Variants in CALD1 observed in about 807,000 individuals in gnomAD.
The protein encoded by CALD1 is caldesmon 1.
In CALD1, 33 loss-of-function variants were observed where a neutral mutation model predicts 99.9. The ratio of observed to expected loss-of-function variants is 0.33; its 90% CI spans 0.25 to 0.44. The LOEUF (loss-of-function observed/expected upper bound fraction) is 0.44, where lower values mean the gene tolerates loss of function less well. CALD1 is among the 20% of genes least tolerant of loss of function. The probability of loss-of-function intolerance (pLI) is 1.00; values close to 1 mark genes in which losing one functional copy is unlikely to be tolerated. For synonymous variants in CALD1, 310 were observed against 325.0 expected (o/e 0.95, Z 0.50); for missense variants, 861 against 962.1 (o/e 0.89, Z 1.39).
chr7:134,833,220 T>G (rs754731361), intron 1 of CALD1, among the ~76,000 whole-genome samples: 62 of 152,196 alleles, frequency 4.1e-4, no homozygotes, highest in Non-Finnish European at 7.6e-4. Context: ...CTTCTGGTTT[T>G]GGGGGGATTT....
intron 1 of CALD1, among the ~76,000 whole-genome samples, chr7:134,808,597 G>C (rs1169723022): frequency 6.6e-6 from 1 of 152,198 alleles, no homozygotes; most frequent in Non-Finnish European, 1.5e-5. Flanking sequence ...TGCTGGGTTT[G>C]TCAGATTTCT....
At chr7:134,958,420 T>C (rs1807946098) in intron 11 of CALD1, 130 bp downstream of exon 11, 2 of 738,832 alleles carry the variant, frequency 2.7e-6, no homozygotes, top group Non-Finnish European at 4.4e-6. Context: ...TTTTTTTTTT[T>C]TTTTTTTTGA....
chr7:134,769,633 T>C (rs1431153281), intron 1 of CALD1, among the ~76,000 whole-genome samples: 3 of 152,116 alleles, frequency 2.0e-5, no homozygotes, highest in Non-Finnish European at 4.4e-5. Context: ...TCCTTGATAG[T>C]CTAGATTTTT....
intron 3 of CALD1, among the ~76,000 whole-genome samples, chr7:134,915,913 G>A (rs1050711866): frequency 6.6e-6 from 1 of 152,150 alleles, no homozygotes; most frequent in Non-Finnish European, 1.5e-5. Flanking sequence ...ACTGATTTAG[G>A]AAGATGATCT....
intron 1 of CALD1, among the ~76,000 whole-genome samples, chr7:134,821,355 T>G (rs1222045716): frequency 6.6e-6 from 1 of 152,118 alleles, no homozygotes; most frequent in Non-Finnish European, 1.5e-5. Context: ...CATCAACTTC[T>G]ATCATTGAAG....
intron 1 of CALD1, among the ~76,000 whole-genome samples, chr7:134,833,316 C>T (rs1356835500): frequency 6.6e-6 from 1 of 152,084 alleles, no homozygotes; most frequent in African/African-American, 2.4e-5. Flanking sequence ...TATGAAATAT[C>T]TTATTAATGT....
At chr7:134,891,426 T>C in intron 3 of CALD1, 1 of 1,295,276 alleles carries the variant, frequency 7.7e-7, no homozygotes, top group South Asian at 2.9e-5. Flanking sequence ...TAGATTTGGC[T>C]GAGGACAAGC....
At chr7:134,738,993 G>A in the CALD1 span, among the ~76,000 whole-genome samples, 10 of 152,108 alleles carry the variant, frequency 6.6e-5, no homozygotes, top group Admixed American at 1.3e-4. Context: ...TTTAGGATTC[G>A]TTGTATCAAT....
In CALD1 at chr7:134,935,748, A is replaced by C; in HGVS notation, c.1369A>C (p.Thr457Pro). The part of the protein sequence containing the change: ...KREKLQEDKP[T>P]FKKEEIKDEK... ...AGAAAAGCTCCAAGAAGACAAGCCT[A>C]CCTTCAAAAAAGAAGAGGTAAATAT... Residue 457 changes from threonine to proline, a missense_variant, in exon 6 of 15, where the codon ACC becomes CCC. Transcript: ENST00000361675. The C allele has an allele frequency of 6.3e-7, 1 of 1,595,486 alleles. No individual in the cohort carries two copies. Among genetic ancestry groups the C allele is most frequent in the Non-Finnish European group, 8.5e-7 (1 of 1,172,762 alleles).
chr7:134,879,038 T>C (rs576348070), intron 3 of CALD1, among the ~76,000 whole-genome samples: 7 of 152,326 alleles, frequency 4.6e-5, no homozygotes, highest in Middle Eastern at 3.4e-3. Context: ...TTTTGCCCTA[T>C]GGTTTTCTCA....
Position 134,960,535 on chromosome 7 carries a change from A to G in CALD1, c.2202A>G (p.Glu734=). The change falls in exon 13 of 15, where the codon GAA becomes GAG. Residue 734 remains glutamate, a splice_region_variant and synonymous_variant. Transcript: ENST00000361675. ...TTTGGATGATTGCCCCTTTGTAGGA[A>G]ACTGCTGGCTTGAAGGTAGGGGTTT... ...SPTAAGTPNK[E]TAGLKVGVSS... is the part of the protein sequence containing the mutation. 6.2e-7 allele frequency: 1 copy of G among 1,605,444 alleles called. No individual in the cohort carries two copies. The highest frequency in any genetic ancestry group is 8.5e-7 in the Non-Finnish European group (1 of 1,172,352).
intron 8 of CALD1, 100 bp from the exon 9 acceptor site, chr7:134,950,274 A>C: frequency 8.5e-7 from 1 of 1,171,966 alleles, no homozygotes; most frequent in Non-Finnish European, 1.2e-6. Context: ...CTGCGGCCTG[A>C]GTCTGCTGCC....
intron 3 of CALD1, among the ~76,000 whole-genome samples, chr7:134,908,328 T>C (rs1440922023): frequency 6.6e-6 from 1 of 152,228 alleles, no homozygotes; most frequent in Non-Finnish European, 1.5e-5. Flanking sequence ...TAAATATTTA[T>C]ATTCTCCAAT....
chr7:134,714,092 T>A, the CALD1 span, among the ~76,000 whole-genome samples: 1 of 152,124 alleles, frequency 6.6e-6, no homozygotes, highest in African/African-American at 2.4e-5. Flanking sequence ...GCTCCAGGCA[T>A]GGAAGATGTG....
At chr7:134,727,562 A>T in the CALD1 span, among the ~76,000 whole-genome samples, 1 of 152,252 alleles carries the variant, frequency 6.6e-6, no homozygotes, top group African/African-American at 2.4e-5. Flanking sequence ...GTCCATTTTT[A>T]AAAAGTAGCT....
intron 7 of CALD1, among the ~76,000 whole-genome samples, chr7:134,941,926 C>A (rs1806477423): frequency 6.6e-6 from 1 of 152,162 alleles, no homozygotes; most frequent in South Asian, 2.1e-4. Context: ...GATTATCAGA[C>A]AGACGAGACC....
intron 11 of CALD1, among the ~76,000 whole-genome samples, chr7:134,958,858 T>C (rs1807991162): frequency 7.1e-6 from 1 of 140,754 alleles, no homozygotes; most frequent in South Asian, 2.2e-4. Context: ...AACGAATGGG[T>C]TTACTGGTAT....
In CALD1 at chr7:134,928,778, T is replaced by G; in HGVS notation, c.96T>G (p.Asp32Glu). 6.2e-7 allele frequency: 1 copy of G among 1,613,740 alleles called. No individual in the cohort carries two copies. The highest frequency in any genetic ancestry group is 8.5e-7 in the Non-Finnish European group (1 of 1,179,874). Residue 32 changes from aspartate to glutamate, a missense_variant, in exon 4 of 15, where the codon GAT becomes GAG. By Grantham distance (45) the Asp-to-Glu change is conservative (BLOSUM62 2). This residue lies in a region of CALD1 where 123 missense variants were observed against 169.8 expected (regional missense o/e 0.72). Transcript: ENST00000361675. Reference protein sequence around the residue: ...AERIAYQRNDDDEEEAARERR... With the variant: ...AERIAYQRNDEDEEEAARERR... ...GAATCGCCTACCAGAGGAATGACGA[T>G]GATGAAGAGGAGGCAGCCCGGGAAC... is the stretch of plus-strand genomic sequence containing the variant.
chr7:134,832,998 C>G (rs9690153), intron 1 of CALD1, among the ~76,000 whole-genome samples: 2,208 of 152,274 alleles, frequency 0.015, 52 homozygotes, highest in African/African-American at 0.05. Context: ...TGTTTTAGAA[C>G]TTTTCCTTAT....
Sources: gnomAD v4.1 joint callset for allele counts (sites outside exome capture counted in the v4.1 genomes callset) on GRCh38, gnomAD v4.1.1 for gene constraint, gnomAD v4.1.1 regional missense constraint, MANE v1.5 for transcripts, NCBI Gene and HGNC (gene_info 2026-07-23, HGNC 2026-07-21) for gene names.